The following SFMBT2 variants were observed in gnomAD, a reference collection of about 807,000 sequenced individuals.
The protein encoded by SFMBT2 is Scm like with four mbt domains 2, also known as scm-like with four MBT domains protein 2.
SFMBT2 carries 38 observed loss-of-function variants against 110.1 expected under a neutral mutation model. The ratio of observed to expected loss-of-function variants is 0.35; its 90% CI spans 0.27 to 0.45. The LOEUF (loss-of-function observed/expected upper bound fraction) is 0.45, where lower values mean the gene tolerates loss of function less well. Ranked by LOEUF, SFMBT2 falls within the 20% of genes least tolerant of loss-of-function variation. The pLI, the probability that SFMBT2 is intolerant of heterozygous loss-of-function variation, is 1.00. For missense variants in SFMBT2, 1,011 were observed against 1,094.9 expected (o/e 0.92, Z 1.08); for synonymous variants, 425 against 425.4 (o/e 1.00, Z 0.01).
chr10:7,197,812 C>T (rs1838825727), intron 14 of SFMBT2, 125 bp from the exon 15 acceptor site: 1 of 1,330,774 alleles, frequency 7.5e-7, no homozygotes, highest in African/African-American at 1.5e-5. Context: ...GAGGTCTTGG[C>T]TGATGGGGAG....
intron 11 of SFMBT2, chr10:7,219,692 A>G (rs1254122259): frequency 2.9e-6 from 1 of 348,858 alleles, no homozygotes; most frequent in Non-Finnish European, 3.8e-6. Context: ...ACTACTGAGT[A>G]TTATGAAATC....
chr10:7,295,364 A>G (rs1446489916), intron 4 of SFMBT2: 1 of 151,986 alleles, frequency 6.6e-6, no homozygotes, highest in Non-Finnish European at 1.5e-5. Flanking sequence ...CACACCCAAC[A>G]CCTCCAACAA....
At chr10:7,169,321 T>C (rs1401859361) in intron 20 of SFMBT2, among the ~76,000 whole-genome samples, 1 of 152,204 alleles carries the variant, frequency 6.6e-6, no homozygotes, top group Non-Finnish European at 1.5e-5. Context: ...CTAGTGGTTG[T>C]CAATAGGATG....
intron 16 of SFMBT2, among the ~76,000 whole-genome samples, chr10:7,179,393 A>G (rs1838172103): frequency 7.3e-5 from 2 of 27,556 alleles, no homozygotes; most frequent in African/African-American, 1.7e-4. Context: ...GCATTTTCGA[A>G]AAAAAAAAAA....
chr10:7,321,277 C>A (rs188006732), intron 4 of SFMBT2, among the ~76,000 whole-genome samples: 1 of 150,550 alleles, frequency 6.6e-6, no homozygotes, highest in Non-Finnish European at 1.5e-5. Context: ...TCTCGGCTCA[C>A]GGCAAGCTCC....
At chr10:7,402,872 T>A (rs1846116117) in intron 1 of SFMBT2, among the ~76,000 whole-genome samples, 1 of 152,174 alleles carries the variant, frequency 6.6e-6, no homozygotes, top group African/African-American at 2.4e-5. Flanking sequence ...GCCAACACTG[T>A]TTAGAAGGAA....
At chr10:7,329,070 C>T (rs189930170) in intron 4 of SFMBT2, among the ~76,000 whole-genome samples, 7 of 152,336 alleles carry the variant, frequency 4.6e-5, no homozygotes, top group Admixed American at 4.6e-4. Flanking sequence ...ATTGTATGAG[C>T]ATGTGGCTCG....
chr10:7,399,003 G>A (rs1845999115), intron 1 of SFMBT2, among the ~76,000 whole-genome samples: 1 of 152,130 alleles, frequency 6.6e-6, no homozygotes, highest in South Asian at 2.1e-4. Flanking sequence ...CCAAACAAAC[G>A]CACAGCAATG....
intron 4 of SFMBT2, among the ~76,000 whole-genome samples, chr10:7,324,009 T>C (rs1175514362): frequency 1.3e-5 from 2 of 152,234 alleles, no homozygotes; most frequent in African/African-American, 4.8e-5. Context: ...CTGTATTTAT[T>C]GCCAAAAACA....
At chr10:7,407,263 C>A (rs1846245946) in intron 1 of SFMBT2, among the ~76,000 whole-genome samples, 1 of 151,822 alleles carries the variant, frequency 6.6e-6, no homozygotes, top group African/African-American at 2.4e-5. Context: ...AACAGCCTCC[C>A]CAGGAAACGA....
intron 9 of SFMBT2, among the ~76,000 whole-genome samples, chr10:7,232,524 G>A (rs1402182074): frequency 6.6e-6 from 1 of 152,170 alleles, no homozygotes; most frequent in African/African-American, 2.4e-5. Context: ...GCATGAAACG[G>A]CACGTAGTTT....
intron 4 of SFMBT2, among the ~76,000 whole-genome samples, chr10:7,298,793 G>A (rs1403168223): frequency 6.6e-6 from 1 of 152,112 alleles, no homozygotes; most frequent in Admixed American, 6.6e-5. Context: ...GTATATGTGT[G>A]TCTGTGTGTG....
intron 11 of SFMBT2, among the ~76,000 whole-genome samples, chr10:7,208,497 C>T (rs1346679812): frequency 6.6e-6 from 1 of 151,976 alleles, no homozygotes. Context: ...CCAGCCTGCC[C>T]AATATGGCAA....
At chr10:7,375,702 C>T (rs1337853477) in intron 2 of SFMBT2, among the ~76,000 whole-genome samples, 2 of 151,550 alleles carry the variant, frequency 1.3e-5, no homozygotes, top group Admixed American at 6.6e-5. Flanking sequence ...GTCCTCCTGA[C>T]TCATCCAACT....
intron 10 of SFMBT2, 92 bp downstream of exon 10, chr10:7,227,763 A>AAC: frequency 9.2e-7 from 1 of 1,086,746 alleles, no homozygotes; most frequent in Non-Finnish European, 1.4e-6. Context: ...GTAATACTCC[A>AAC]ACCGTGCTTC....
intron 1 of SFMBT2, among the ~76,000 whole-genome samples, chr10:7,396,987 T>C (rs563623949): frequency 4.0e-5 from 6 of 151,874 alleles, no homozygotes; most frequent in Non-Finnish European, 7.4e-5. Flanking sequence ...CACACCAACA[T>C]GGCACATGTA....
intron 1 of SFMBT2, among the ~76,000 whole-genome samples, chr10:7,388,918 G>A (rs538442083): frequency 1.9e-4 from 29 of 152,290 alleles, no homozygotes; most frequent in African/African-American, 6.7e-4. Context: ...AGGCGAGATG[G>A]ATGAATGGAA....
At chr10:7,389,050 T>C (rs1332235569) in intron 1 of SFMBT2, among the ~76,000 whole-genome samples, 1 of 152,242 alleles carries the variant, frequency 6.6e-6, no homozygotes, top group Non-Finnish European at 1.5e-5. Flanking sequence ...AGAAATTATG[T>C]TAACAAAATG....
chr10:7,294,565 A>G (rs1458412826), intron 4 of SFMBT2, among the ~76,000 whole-genome samples: 1 of 152,190 alleles, frequency 6.6e-6, no homozygotes, highest in African/African-American at 2.4e-5. Flanking sequence ...TGAGACTCCT[A>G]ATTTTTCTAA....
Sources: allele counts gnomAD v4.1 joint callset (sites outside exome capture counted in the v4.1 genomes callset), GRCh38; gene constraint gnomAD v4.1.1; transcripts MANE v1.5; gene names NCBI Gene and HGNC (gene_info 2026-07-23, HGNC 2026-07-21).